The following STOX2 variants were observed in gnomAD, a reference collection of about 807,000 sequenced individuals.
STOX2 encodes the protein storkhead box 2.
Under a neutral mutation model 60.9 loss-of-function variants are expected in STOX2, and 28 were observed. The observed-to-expected ratio is 0.46, with a 90% confidence interval of 0.34 to 0.63. The LOEUF is 0.63. Among genes scored for constraint, STOX2 ranks in the 30% least tolerant of loss-of-function variants. STOX2 has a pLI of 0.01. For missense variants in STOX2, 1,024 were observed against 1,187.7 expected (o/e 0.86, Z 2.03); for synonymous variants, 472 against 463.9 (o/e 1.02, Z -0.22).
intron 1 of STOX2, among the ~76,000 whole-genome samples, chr4:183,910,668 G>C (rs538575136): frequency 5.1e-4 from 78 of 152,280 alleles, no homozygotes; most frequent in Non-Finnish European, 7.8e-4. Context: ...ATGAGAAAGC[G>C]AAGTCCTGGC....
In STOX2 at chr4:183,806,604, G is replaced by A. The variant is rs1278707009; in HGVS notation, c.364+8549G>A. ...GTGGCCTGCTTCCTGAGAGCTCTGC[G>A]TGTGACAGCATTTCCTTCTGTCTCA... On this transcript the variant is annotated intron_variant, in intron 1 of 2. Coordinates refer to the STOX2 transcript ENST00000513034. This position sits in a 1 kb window ranked among gnomAD's most constrained non-coding sequence, Gnocchi z 4.1. 6.6e-6 allele frequency among the ~76,000 whole-genome samples: 1 copy of A among 152,162 alleles called. No individual in the cohort carries two copies. Among genetic ancestry groups the A allele is most frequent in the Non-Finnish European group, 1.5e-5 (1 of 68,024 alleles).
intron 1 of STOX2, among the ~76,000 whole-genome samples, chr4:183,863,482 A>G (rs1740496743): frequency 6.6e-6 from 1 of 152,252 alleles, no homozygotes. Flanking sequence ...GCACTTCCAT[A>G]TGCGTAGAAT....
intron 1 of STOX2, among the ~76,000 whole-genome samples, chr4:183,933,259 C>T (rs1013593609): frequency 1.3e-5 from 2 of 152,144 alleles, no homozygotes; most frequent in African/African-American, 4.8e-5. Flanking sequence ...TAAGTGATAC[C>T]GATTTACTTT....
At chr4:183,876,624 C>G (rs577965213) in intron 1 of STOX2, among the ~76,000 whole-genome samples, 1 of 152,182 alleles carries the variant, frequency 6.6e-6, no homozygotes, top group East Asian at 1.9e-4. Flanking sequence ...TGGAGGCAGC[C>G]GCTCAGGGTG....
intron 1 of STOX2, among the ~76,000 whole-genome samples, chr4:183,848,968 T>C (rs1740047794): frequency 6.6e-6 from 1 of 152,074 alleles, no homozygotes; most frequent in African/African-American, 2.4e-5. Context: ...TTAGGTTACA[T>C]TTAGAGCTGG....
chr4:183,904,611 A>G (rs1240563987), upstream of STOX2, among the ~76,000 whole-genome samples: 1 of 152,270 alleles, frequency 6.6e-6, no homozygotes, highest in Non-Finnish European at 1.5e-5. Context: ...TATAAATTCC[A>G]TAGGCTACTT....
intron 1 of STOX2, among the ~76,000 whole-genome samples, chr4:183,893,762 TA>T (rs550235485): frequency 4.6e-5 from 7 of 151,984 alleles, no homozygotes; most frequent in African/African-American, 1.7e-4. Context: ...AACTGTAACT[TA>T]AAAAAAAACA....
chr4:184,019,514 T>C lies in STOX2; in HGVS notation c.*2230T>C, dbSNP rs1443737528. On this transcript the variant is annotated 3_prime_UTR_variant, in exon 4 of 4. Coordinates refer to ENST00000308497, the MANE Select transcript of STOX2 (RefSeq NM_020225.3). ...TAGCTGATCCTCTGAAAGTAGCCAT[T>C]GAAATAATCGAATACTGTGTGAACA... The C allele has an allele frequency of 6.6e-6, 1 of 152,238 alleles. No individual in the cohort carries two copies. Among genetic ancestry groups the C allele is most frequent in the African/African-American group, 2.4e-5 (1 of 41,470 alleles). 9.4% of individuals were successfully genotyped at this position (152,238 alleles called of 1,614,324 possible).
intron 1 of STOX2, among the ~76,000 whole-genome samples, chr4:183,907,272 G>A (rs1231282987): frequency 1.3e-5 from 2 of 152,190 alleles, no homozygotes; most frequent in Non-Finnish European, 2.9e-5. Context: ...AGGATCCTGC[G>A]CCCAGGGTTG....
At chr4:183,862,260 C>T (rs1301696389) in intron 1 of STOX2, among the ~76,000 whole-genome samples, 3 of 152,224 alleles carry the variant, frequency 2.0e-5, no homozygotes, top group South Asian at 2.1e-4. Context: ...ATTGCAACCT[C>T]TGCCTCCTGG....
chr4:183,969,901 C>T (rs79514994), intron 1 of STOX2, among the ~76,000 whole-genome samples: 2,543 of 152,222 alleles, frequency 0.017, 53 homozygotes, highest in Middle Eastern at 0.044. Context: ...AGATTCCAGG[C>T]GTGAGCCACC....
intron 1 of STOX2, among the ~76,000 whole-genome samples, chr4:183,868,028 C>T (rs1417436838): frequency 1.3e-5 from 2 of 151,820 alleles, no homozygotes; most frequent in Non-Finnish European, 2.9e-5. Flanking sequence ...CTATGCCTCT[C>T]GAACATTAGA....
chr4:183,991,486 G>A (rs1273367687), intron 1 of STOX2, among the ~76,000 whole-genome samples: 1 of 150,912 alleles, frequency 6.6e-6, no homozygotes, highest in East Asian at 1.9e-4. Flanking sequence ...GGAGTGCAAT[G>A]GCACGGTCTT....
chr4:183,853,862 G>A (rs1179239330), intron 1 of STOX2: 1 of 152,132 alleles, frequency 6.6e-6, no homozygotes, highest in Non-Finnish European at 1.5e-5. Flanking sequence ...ATTGAGCTCT[G>A]GGGTGTGTTG....
At chr4:183,871,109 G>A (rs1030572277) in intron 1 of STOX2, among the ~76,000 whole-genome samples, 8 of 152,190 alleles carry the variant, frequency 5.3e-5, no homozygotes, top group African/African-American at 1.9e-4. Flanking sequence ...GTGAGTGGGT[G>A]CCATTCCTGG....
At chr4:183,890,398 G>T (rs983650313) in intron 1 of STOX2, among the ~76,000 whole-genome samples, 1 of 151,484 alleles carries the variant, frequency 6.6e-6, no homozygotes, top group African/African-American at 2.4e-5. Context: ...CGGGAGAATT[G>T]CTTGAACCCG....
At chr4:183,845,911 G>A (rs1739973230) in intron 1 of STOX2, among the ~76,000 whole-genome samples, 1 of 152,112 alleles carries the variant, frequency 6.6e-6, no homozygotes, top group South Asian at 2.1e-4. Flanking sequence ...ACTTAACAGT[G>A]TTCTTTATTT....
chr4:183,808,913 AT>A (rs1377792458), intron 1 of STOX2, among the ~76,000 whole-genome samples: 1 of 152,174 alleles, frequency 6.6e-6, no homozygotes, highest in Non-Finnish European at 1.5e-5. Flanking sequence ...GGCAAAAAAA[AT>A]CTCATACTGT....
chr4:183,930,078 TG>T (rs1386536846), intron 1 of STOX2, among the ~76,000 whole-genome samples: 6 of 151,912 alleles, frequency 3.9e-5, no homozygotes, highest in East Asian at 1.9e-4. Flanking sequence ...TTAGCCAGGA[TG>T]GGTCTCGATC....
Sources: gnomAD v4.1 joint callset for allele counts (sites outside exome capture counted in the v4.1 genomes callset) on GRCh38, gnomAD v4.1.1 for gene constraint, Gnocchi (gnomAD v3.1) non-coding constraint, MANE v1.5 for transcripts, NCBI Gene and HGNC (gene_info 2026-07-23, HGNC 2026-07-21) for gene names.